The following DGKB variants were observed in gnomAD, a reference collection of about 807,000 sequenced individuals.
DGKB encodes 90 kDa diacylglycerol kinase.
Under a neutral mutation model 114.3 loss-of-function variants are expected in DGKB, and 67 were observed. That is an observed-to-expected ratio of 0.59 (90% CI 0.48 to 0.72). The LOEUF (loss-of-function observed/expected upper bound fraction) is 0.72. Among genes scored for constraint, DGKB ranks in the 30% least tolerant of loss-of-function variants. DGKB has a pLI of 0.00. For missense variants in DGKB, 907 were observed against 975.2 expected (o/e 0.93, Z 0.93); for synonymous variants, 398 against 323.1 (o/e 1.23, Z -2.49).
chr7:14,691,596 CAAAT>C (rs1822876844), intron 9 of DGKB, among the ~76,000 whole-genome samples: 1 of 152,060 alleles, frequency 6.6e-6, no homozygotes, highest in Non-Finnish European at 1.5e-5. Context: ...CTCTTTCTAA[CAAAT>C]AGATGCTGTA....
chr7:14,470,297 T>G (rs1316306712), intron 21 of DGKB, among the ~76,000 whole-genome samples: 1 of 151,884 alleles, frequency 6.6e-6, no homozygotes, highest in Non-Finnish European at 1.5e-5. Context: ...TCAGTAGTCC[T>G]GTTTACCTAG....
intron 23 of DGKB, among the ~76,000 whole-genome samples, chr7:14,292,091 A>G (rs1239947360): frequency 6.6e-6 from 1 of 152,144 alleles, no homozygotes; most frequent in Non-Finnish European, 1.5e-5. Flanking sequence ...AAATACAACA[A>G]TTTATTTGCT....
At chr7:14,634,253 A>T (rs1291233016) in intron 13 of DGKB, among the ~76,000 whole-genome samples, 1 of 151,454 alleles carries the variant, frequency 6.6e-6, no homozygotes, top group Non-Finnish European at 1.5e-5. Flanking sequence ...AGGAAGCTGA[A>T]AATCAGAGAG....
chr7:14,690,297 C>T (rs531441958), intron 9 of DGKB, among the ~76,000 whole-genome samples: 6 of 152,274 alleles, frequency 3.9e-5, no homozygotes, highest in African/African-American at 1.4e-4. Context: ...GAGACAGCAA[C>T]TGCCTGGTAT....
chr7:14,667,734 A>G (rs1228837519), intron 13 of DGKB, among the ~76,000 whole-genome samples: 3 of 152,130 alleles, frequency 2.0e-5, no homozygotes, highest in Non-Finnish European at 4.4e-5. Flanking sequence ...TGATTAAGCA[A>G]TTTTGTGGGC....
chr7:14,973,385 A>G (rs188320204), intron 1 of DGKB, among the ~76,000 whole-genome samples: 143 of 152,032 alleles, frequency 9.4e-4, no homozygotes, highest in African/African-American at 3.4e-3. Flanking sequence ...TAAAATTAAT[A>G]TAATCAAAAT....
chr7:14,846,031 A>G (rs1848581609), intron 1 of DGKB, among the ~76,000 whole-genome samples: 2 of 152,210 alleles, frequency 1.3e-5, no homozygotes, highest in African/African-American at 4.8e-5. Flanking sequence ...ATTTTTATTT[A>G]TCAATATCTA....
At chr7:14,215,488 AAAT>A (rs1183772892) in intron 23 of DGKB, among the ~76,000 whole-genome samples, 1 of 152,122 alleles carries the variant, frequency 6.6e-6, no homozygotes, top group Admixed American at 6.6e-5. Flanking sequence ...GATGTATTCC[AAAT>A]AATAATAAAG....
intron 1 of DGKB, among the ~76,000 whole-genome samples, chr7:14,857,927 T>G (rs143471780): frequency 6.6e-6 from 1 of 152,280 alleles, no homozygotes; most frequent in East Asian, 1.9e-4. Flanking sequence ...GTCTAGAAAA[T>G]ATGTGTCCAA....
intron 21 of DGKB, among the ~76,000 whole-genome samples, chr7:14,377,038 A>C (rs188897518): frequency 0.013 from 1,990 of 152,272 alleles, 46 homozygotes; most frequent in African/African-American, 0.045. Context: ...TCTGCATTTT[A>C]CATATTTAAG....
intron 13 of DGKB, 112 bp downstream of exon 13, chr7:14,672,817 T>C (rs1428862038): frequency 1.8e-6 from 1 of 570,080 alleles, no homozygotes; most frequent in Non-Finnish European, 3.1e-6. Context: ...TTTAGATCTA[T>C]ATACTTCTAC....
At chr7:14,479,998 G>A (rs1326346157) in intron 20 of DGKB, among the ~76,000 whole-genome samples, 1 of 151,920 alleles carries the variant, frequency 6.6e-6, no homozygotes, top group Non-Finnish European at 1.5e-5. Context: ...AATTGTTTCT[G>A]CTAAGTTGGG....
At chr7:14,967,357 G>C (rs1281105372) in intron 1 of DGKB, among the ~76,000 whole-genome samples, 1 of 151,494 alleles carries the variant, frequency 6.6e-6, no homozygotes, top group Non-Finnish European at 1.5e-5. Flanking sequence ...TGCAGTCTCT[G>C]TTGCCCAGGC....
chr7:14,510,401 A>G (rs1787812921), intron 20 of DGKB, among the ~76,000 whole-genome samples: 1 of 152,172 alleles, frequency 6.6e-6, no homozygotes, highest in Non-Finnish European at 1.5e-5. Context: ...TTCCATCCCA[A>G]GAAACCACTT....
At chr7:14,222,596 C>A (rs1790172459) in intron 23 of DGKB, among the ~76,000 whole-genome samples, 1 of 151,392 alleles carries the variant, frequency 6.6e-6, no homozygotes, top group Non-Finnish European at 1.5e-5. Context: ...AAAGCATAGT[C>A]TACAGTTGTT....
chr7:14,951,546 G>C (rs1031099068), intron 1 of DGKB, among the ~76,000 whole-genome samples: 4 of 151,916 alleles, frequency 2.6e-5, no homozygotes, highest in African/African-American at 9.7e-5. Context: ...GAAGTTGTTA[G>C]GGCAGTAAAA....
At chr7:14,265,318 C>CTTTTTAT in intron 23 of DGKB, among the ~76,000 whole-genome samples, 1 of 67,734 alleles carries the variant, frequency 1.5e-5, no homozygotes, top group East Asian at 7.3e-4. Flanking sequence ...CTCTTGCATT[C>CTTTTTAT]TTTTTTTTTT....
intron 25 of DGKB, among the ~76,000 whole-genome samples, chr7:14,172,139 AGGAAAAATTTGTTTGGACAAGAG>A (rs1781092865): frequency 6.6e-6 from 1 of 152,180 alleles, no homozygotes; most frequent in Non-Finnish European, 1.5e-5. Flanking sequence ...ACTAAAGAAG[AGGAAAAATTTGTTTGGACAAGAG>A]GGAAGCGCAT....
chr7:14,852,487 C>CAAAAACAAACAAACAAAAAA (rs1554304205), intron 1 of DGKB, among the ~76,000 whole-genome samples: 7 of 63,618 alleles, frequency 1.1e-4, no homozygotes, highest in South Asian at 1.2e-3. Flanking sequence ...TAGTGAAAGT[C>CAAAAACAAACAAACAAAAAA]AAAAAAAAAA....
Sources: gnomAD v4.1 joint callset for allele counts (sites outside exome capture counted in the v4.1 genomes callset) on GRCh38, gnomAD v4.1.1 for gene constraint, MANE v1.5 for transcripts, NCBI Gene and HGNC (gene_info 2026-07-23, HGNC 2026-07-21) for gene names.